The following MCCC2 variants were observed in gnomAD, a reference collection of about 807,000 sequenced individuals.
The protein encoded by MCCC2 is methylcrotonyl-CoA carboxylase subunit 2.
In MCCC2, 52 loss-of-function variants were observed where a neutral mutation model predicts 77.2. The ratio of observed to expected loss-of-function variants is 0.67; its 90% CI spans 0.54 to 0.85. The LOEUF (loss-of-function observed/expected upper bound fraction) is 0.85. Among genes scored for constraint, MCCC2 ranks in the 40% least tolerant of loss-of-function variants. The probability of loss-of-function intolerance (pLI) is 0.00; values close to 1 mark genes in which losing one functional copy is unlikely to be tolerated. For synonymous variants in MCCC2, 253 were observed against 248.4 expected, an observed-to-expected ratio of 1.02 and a Z score of -0.18; for missense variants, 682 against 703.2, an observed-to-expected ratio of 0.97 and a Z score of 0.34.
chr5:71,589,435 G>A (rs193125017), intron 1 of MCCC2, among the ~76,000 whole-genome samples: 17 of 152,370 alleles, frequency 1.1e-4, no homozygotes, highest in African/African-American at 4.1e-4. Context: ...GTAGGTTCAG[G>A]TCTGCTCCAT....
chr5:71,601,569 C>T (rs775962832), intron 4 of MCCC2, among the ~76,000 whole-genome samples: 1 of 152,130 alleles, frequency 6.6e-6, no homozygotes, highest in Non-Finnish European at 1.5e-5. Context: ...TGTCTTGTGG[C>T]GAGCCCTGCT....
chr5:71,654,171 A>G (rs892371013), intron 16 of MCCC2, among the ~76,000 whole-genome samples: 2 of 151,828 alleles, frequency 1.3e-5, no homozygotes, highest in Admixed American at 6.6e-5. Flanking sequence ...ATTTTTTTGT[A>G]TTTTTTGTAG....
intron 12 of MCCC2, among the ~76,000 whole-genome samples, chr5:71,645,678 A>T (rs1194235212): frequency 6.6e-6 from 1 of 152,212 alleles, no homozygotes; most frequent in African/African-American, 2.4e-5. Flanking sequence ...TCTCATTCGC[A>T]TCAGTTCTTT....
chr5:71,644,574 T>C (rs1747226629), intron 12 of MCCC2, among the ~76,000 whole-genome samples: 1 of 152,142 alleles, frequency 6.6e-6, no homozygotes, highest in Non-Finnish European at 1.5e-5. Flanking sequence ...CAGATTTACC[T>C]AAACTTGGAT....
intron 6 of MCCC2, among the ~76,000 whole-genome samples, chr5:71,613,070 G>A (rs1746024373): frequency 6.6e-6 from 1 of 152,086 alleles, no homozygotes; most frequent in Admixed American, 6.6e-5. Context: ...ACCTTCTCTG[G>A]GTATCTGGGT....
chr5:71,649,362 A>C, intron 14 of MCCC2, 109 bp downstream of exon 14: 189 of 1,042,250 alleles, frequency 1.8e-4, no homozygotes, highest in Non-Finnish European at 2.5e-4. Context: ...CCCAGATCTC[A>C]ATCAATTATA....
chr5:71,657,129 A>T lies in MCCC2; in HGVS notation c.*269A>T, dbSNP rs932089013. On this transcript the variant is annotated 3_prime_UTR_variant, in exon 17 of 17. Transcript: ENST00000340941. Reference sequence around the variant, plus strand: ...TTACGGTTATCCTTTCTGACCCACAAAGTATGAAAAGTTCTGTAATCTGTA... The same window carrying T: ...TTACGGTTATCCTTTCTGACCCACATAGTATGAAAAGTTCTGTAATCTGTA... 1 of 396,860 alleles carries T rather than the reference A, an allele frequency of 2.5e-6. No homozygotes were observed. The highest frequency in any genetic ancestry group is 2.0e-5 in the African/African-American group (1 of 48,940). 24.6% of individuals were successfully genotyped at this position (396,860 alleles called of 1,614,324 possible).
At chr5:71,638,803 GAGCCACCAC>G (rs757906386) in intron 10 of MCCC2, among the ~76,000 whole-genome samples, 1 of 152,136 alleles carries the variant, frequency 6.6e-6, no homozygotes, top group Non-Finnish European at 1.5e-5. Context: ...ATACAGGTGT[GAGCCACCAC>G]GCCCGGCCCA....
intron 12 of MCCC2, among the ~76,000 whole-genome samples, chr5:71,644,947 A>G (rs1747236667): frequency 6.6e-6 from 1 of 152,152 alleles, no homozygotes; most frequent in Admixed American, 6.5e-5. Context: ...GTAACATTTT[A>G]TTATTTTTTC....
At chr5:71,645,491 T>C (rs1747250387) in intron 12 of MCCC2, among the ~76,000 whole-genome samples, 1 of 152,186 alleles carries the variant, frequency 6.6e-6, no homozygotes, top group East Asian at 1.9e-4. Flanking sequence ...TAATCTAAAA[T>C]CCCATTTATC....
chr5:71,632,330 C>A (rs1015104710), intron 8 of MCCC2, 145 bp downstream of exon 8: 9 of 790,034 alleles, frequency 1.1e-5, no homozygotes, highest in Non-Finnish European at 2.0e-5. Context: ...GTTTAATGTT[C>A]AATTCTTTGA....
At chr5:71,651,384 C>A (rs1208179540) in intron 15 of MCCC2, among the ~76,000 whole-genome samples, 3 of 152,132 alleles carry the variant, frequency 2.0e-5, no homozygotes, top group Admixed American at 6.5e-5. Flanking sequence ...AAAATGAATT[C>A]TTTTGTTTGT....
At chr5:71,615,312 A>G (rs2112377164) in intron 6 of MCCC2, among the ~76,000 whole-genome samples, 1 of 151,860 alleles carries the variant, frequency 6.6e-6, no homozygotes, top group East Asian at 1.9e-4. Context: ...CTAACTGCTC[A>G]CTCCTTCAAA....
chr5:71,590,816 CAAA>C (rs35575009), intron 1 of MCCC2, among the ~76,000 whole-genome samples: 2 of 130,012 alleles, frequency 1.5e-5, no homozygotes, highest in African/African-American at 3.0e-5. Context: ...GACTCCGTCT[CAAA>C]AAAAAAAAAA....
chr5:71,592,838 G>GT (rs371137817), intron 1 of MCCC2, 88 bp from the exon 2 acceptor site: 89,014 of 790,426 alleles, frequency 0.11, 9 homozygotes, highest in East Asian at 0.13. Flanking sequence ...ACAGACCACT[G>GT]TTTTTTTTTT....
At chr5:71,592,713 G>A (rs567624802) in intron 1 of MCCC2, among the ~76,000 whole-genome samples, 10 of 152,258 alleles carry the variant, frequency 6.6e-5, no homozygotes, top group Admixed American at 5.9e-4. Flanking sequence ...CAAGTGGGGT[G>A]GTGAAGAAGA....
chr5:71,657,082 C>G lies in MCCC2; in HGVS notation c.*222C>G. ...ATTTCTCTGTGGCTCAGTTTTACCA[C>G]CCATAAAGCGGAGACAGTAATTTAC... On this transcript the variant is annotated 3_prime_UTR_variant, in exon 17 of 17. Transcript: ENST00000340941. The G allele has an allele frequency of 2.0e-6, 1 of 490,518 alleles. No individual in the cohort carries two copies. Among genetic ancestry groups the G allele is most frequent in the Non-Finnish European group, 3.7e-6 (1 of 270,496 alleles). 30.4% of individuals were successfully genotyped at this position (490,518 alleles called of 1,614,324 possible).
intron 13 of MCCC2, 75 bp from the exon 14 acceptor site, chr5:71,649,022 A>G (rs2112467551): frequency 1.3e-6 from 2 of 1,532,394 alleles, no homozygotes; most frequent in Non-Finnish European, 9.0e-7. Flanking sequence ...GTAAAACAAG[A>G]TGTCCTTTTG....
intron 4 of MCCC2, among the ~76,000 whole-genome samples, 169 bp from the exon 5 acceptor site, chr5:71,602,337 A>G (rs1008481104): frequency 2.0e-5 from 3 of 152,184 alleles, no homozygotes; most frequent in Admixed American, 6.5e-5. Context: ...TTAATATGTG[A>G]ACTGTGATTA....
Sources: allele counts gnomAD v4.1 joint callset (sites outside exome capture counted in the v4.1 genomes callset), GRCh38; gene constraint gnomAD v4.1.1; transcripts MANE v1.5; gene names NCBI Gene and HGNC (gene_info 2026-07-23, HGNC 2026-07-21).